The following PIK3CA variants were observed in gnomAD, a reference collection of about 807,000 sequenced individuals.
PIK3CA encodes phosphatidylinositol-4,5-bisphosphate 3-kinase catalytic subunit alpha, also known as phosphatidylinositol 4,5-bisphosphate 3-kinase catalytic subunit alpha isoform.
A neutral mutation model predicts 138.2 loss-of-function variants in PIK3CA; 27 were observed. The ratio of observed to expected loss-of-function variants is 0.20; its 90% CI spans 0.14 to 0.27. PIK3CA has a LOEUF of 0.27. Ranked by LOEUF, PIK3CA falls within the 10% of genes least tolerant of loss-of-function variation. The pLI is 1.00. For missense variants in PIK3CA, 544 were observed against 1,277.4 expected, an observed-to-expected ratio of 0.43 and a Z score of 8.75; for synonymous variants, 358 against 413.2, an observed-to-expected ratio of 0.87 and a Z score of 1.62.
chr3:179,184,601 A>G (rs1268544387), intron 1 of PIK3CA, among the ~76,000 whole-genome samples: 3 of 152,226 alleles, frequency 2.0e-5, no homozygotes, highest in Non-Finnish European at 2.9e-5. Context: ...CCTTCTGTGA[A>G]ACATATGTGG....
At chr3:179,195,502 G>C (rs1295195475) in intron 1 of PIK3CA, among the ~76,000 whole-genome samples, 2 of 151,956 alleles carry the variant, frequency 1.3e-5, no homozygotes, top group South Asian at 2.1e-4. Context: ...TTTCACAAAT[G>C]GGAAAAATGA....
At chr3:179,211,329 C>T (rs939013041) in intron 9 of PIK3CA, among the ~76,000 whole-genome samples, 4 of 152,138 alleles carry the variant, frequency 2.6e-5, no homozygotes, top group African/African-American at 7.2e-5. Flanking sequence ...TTCATAGCCA[C>T]CTCCTGTTGC....
intron 17 of PIK3CA, among the ~76,000 whole-genome samples, 157 bp downstream of exon 17, chr3:179,226,197 C>CTTACT (rs1725077914): frequency 1.8e-3 from 1 of 550 alleles, no homozygotes; most frequent in Non-Finnish European, 3.5e-3. Context: ...ATATCCTCCT[C>CTTACT]TTACTTAGAA....
intron 16 of PIK3CA, 59 bp downstream of exon 16, chr3:179,224,880 G>A (rs2108418437): frequency 8.1e-7 from 1 of 1,231,108 alleles, no homozygotes; most frequent in Non-Finnish European, 1.2e-6. Flanking sequence ...TTTATACACA[G>A]GATATTTATG....
At chr3:179,175,258 A>G (rs1723667886) in intron 1 of PIK3CA, among the ~76,000 whole-genome samples, 2 of 152,204 alleles carry the variant, frequency 1.3e-5, no homozygotes, top group African/African-American at 2.4e-5. Flanking sequence ...CAATTATGTG[A>G]TATTTTAAGT....
In PIK3CA at chr3:179,210,575, A is replaced by T. The variant is rs1305092376; in HGVS notation, c.1539+10A>T. 6.2e-7 allele frequency: 1 copy of T among 1,611,888 alleles called. No homozygotes were observed. The highest frequency in any genetic ancestry group is 8.5e-7 in the Non-Finnish European group (1 of 1,178,946). Reference sequence around the variant, plus strand: ...TTCCCACGCAGGACTGGTAAGGCAAATCACTGAGTTTATTAAGTATCAATT... The same window carrying T: ...TTCCCACGCAGGACTGGTAAGGCAATTCACTGAGTTTATTAAGTATCAATT... On this transcript the variant is annotated intron_variant, in intron 9 of 20. Coordinates refer to ENST00000263967, the MANE Select transcript of PIK3CA (RefSeq NM_006218.4).
intron 1 of PIK3CA, among the ~76,000 whole-genome samples, chr3:179,192,407 G>T: frequency 6.6e-6 from 1 of 152,186 alleles, no homozygotes; most frequent in East Asian, 1.9e-4. Context: ...TAAGCTCCCA[G>T]CAATGAAAGT....
chr3:179,208,741 T>C (rs1161353869), intron 6 of PIK3CA, among the ~76,000 whole-genome samples: 1 of 152,088 alleles, frequency 6.6e-6, no homozygotes, highest in African/African-American at 2.4e-5. Context: ...GTTCACTTTT[T>C]GTAGCAGTGT....
intron 1 of PIK3CA, among the ~76,000 whole-genome samples, chr3:179,170,066 ACGCGCG>A (rs574634103): frequency 9.3e-6 from 1 of 107,504 alleles, no homozygotes; most frequent in African/African-American, 2.9e-5. Context: ...GCGCGTGCAC[ACGCGCG>A]CGCGCACACA....
At chr3:179,170,949 T>A (rs1458902819) in intron 1 of PIK3CA, among the ~76,000 whole-genome samples, 14 of 152,176 alleles carry the variant, frequency 9.2e-5, no homozygotes, top group Non-Finnish European at 2.1e-4. Context: ...CAACTCAATC[T>A]AATTGACATC....
chr3:179,226,635 A>G (rs182138152), intron 17 of PIK3CA, among the ~76,000 whole-genome samples: 3 of 152,238 alleles, frequency 2.0e-5, no homozygotes, highest in Admixed American at 2.0e-4. Context: ...ATTTTGGCCT[A>G]TAAGTGGACA....
intron 1 of PIK3CA, among the ~76,000 whole-genome samples, chr3:179,179,705 A>G (rs1723791820): frequency 6.6e-6 from 1 of 152,214 alleles, no homozygotes. Flanking sequence ...ATCCAATGAC[A>G]TTCCTATCCA....
chr3:179,231,803 C>T (rs752643061), intron 20 of PIK3CA, among the ~76,000 whole-genome samples: 59 of 151,766 alleles, frequency 3.9e-4, no homozygotes, highest in Admixed American at 6.6e-4. Context: ...CCACCACACA[C>T]GGCTAATTTT....
chr3:179,179,295 T>C (rs1723781174), intron 1 of PIK3CA, among the ~76,000 whole-genome samples: 1 of 152,244 alleles, frequency 6.6e-6, no homozygotes, highest in Non-Finnish European at 1.5e-5. Flanking sequence ...GGAATACTAC[T>C]TAAAAAGAAC....
At chr3:179,189,428 A>G (rs1724072075) in intron 1 of PIK3CA, among the ~76,000 whole-genome samples, 2 of 152,126 alleles carry the variant, frequency 1.3e-5, no homozygotes, top group Admixed American at 1.3e-4. Context: ...TAATAATCTA[A>G]GATCCAAGTA....
chr3:179,182,092 T>TAGATCTTAAAGTTCC (rs1425825644), intron 1 of PIK3CA, among the ~76,000 whole-genome samples: 4 of 152,232 alleles, frequency 2.6e-5, no homozygotes, highest in African/African-American at 9.6e-5. Context: ...CTTAAAGTTT[T>TAGATCTTAAAGTTCC]AGATCTTAAA....
At chr3:179,167,052 A>G (rs1384479059) in intron 1 of PIK3CA, among the ~76,000 whole-genome samples, 1 of 152,160 alleles carries the variant, frequency 6.6e-6, no homozygotes, top group East Asian at 1.9e-4. Flanking sequence ...CCACACTTTG[A>G]AATGTATTAA....
intron 1 of PIK3CA, among the ~76,000 whole-genome samples, chr3:179,181,841 A>C (rs1366781783): frequency 6.6e-6 from 1 of 152,116 alleles, no homozygotes; most frequent in African/African-American, 2.4e-5. Flanking sequence ...GTAATTTAAG[A>C]AATAGAGGTT....
intron 1 of PIK3CA, among the ~76,000 whole-genome samples, chr3:179,170,137 C>T (rs890387063): frequency 6.6e-6 from 1 of 151,988 alleles, no homozygotes; most frequent in Non-Finnish European, 1.5e-5. Context: ...TATTCTTTGA[C>T]GTACTAAGTA....
Sources: gnomAD v4.1 joint callset for allele counts (sites outside exome capture counted in the v4.1 genomes callset) on GRCh38, gnomAD v4.1.1 for gene constraint, MANE v1.5 for transcripts, NCBI Gene and HGNC (gene_info 2026-07-23, HGNC 2026-07-21) for gene names.